The following MED12L variants were observed in gnomAD, a reference collection of about 807,000 sequenced individuals.
MED12L encodes mediator of RNA polymerase II transcription subunit 12-like protein.
MED12L carries 60 observed loss-of-function variants against 281.3 expected under a neutral mutation model. The observed-to-expected ratio is 0.21, with a 90% confidence interval of 0.17 to 0.26. The LOEUF (loss-of-function observed/expected upper bound fraction) is 0.26. MED12L is among the 10% of genes least tolerant of loss of function. The probability of loss-of-function intolerance (pLI) is 1.00; values close to 1 mark genes in which losing one functional copy is unlikely to be tolerated. For missense variants in MED12L, 2,146 were observed against 2,680.9 expected (o/e 0.80, Z 4.41); for synonymous variants, 974 against 987.2 (o/e 0.99, Z 0.25).
In MED12L at chr3:151,337,714, T is replaced by G. The variant is rs557406631; in HGVS notation, c.2251-12345T>G. On this transcript the variant is annotated intron_variant, in intron 16 of 44. Coordinates refer to ENST00000687756, the MANE Select transcript of MED12L (RefSeq NM_001393769.1). Reference sequence around the variant, plus strand: ...TCTTCTGTTTCTTTAGAGTCATTATTATTAACTTAGTTGCTTCTTCGTCAG... The same window carrying G: ...TCTTCTGTTTCTTTAGAGTCATTATGATTAACTTAGTTGCTTCTTCGTCAG... 2.3e-5 allele frequency: 26 copies of G among 1,151,642 alleles called. No homozygotes were observed. In the South Asian group the frequency reaches 3.4e-4, roughly 15 times the overall value. The allele number at this position is 1,151,642 out of a possible 1,614,324, so 71.3% of individuals were successfully genotyped here. A position where few individuals can be genotyped will look rare whatever the true frequency, so the allele number is the denominator to read the frequency against.
chr3:151,317,624 G>C (rs1394370533), intron 16 of MED12L, among the ~76,000 whole-genome samples: 4 of 150,940 alleles, frequency 2.7e-5, no homozygotes, highest in African/African-American at 9.8e-5. Flanking sequence ...CTAATTTTTT[G>C]TATTTTTAGT....
Position 151,193,493 on chromosome 3 carries a change from T to G in MED12L, c.2077T>G (p.Phe693Val). ...ACATTTGTTTTACATGACTTAGATTTTTTCTCCTATGCCTGGAGAATCCTG... is the reference window on the plus strand; with the variant it reads ...ACATTTGTTTTACATGACTTAGATTGTTTCTCCTATGCCTGGAGAATCCTG... ...KTDFGSEFPI[F>V]SPMPGESCEN... Residue 693 changes from phenylalanine to valine, a missense_variant, in exon 16 of 45, where the codon TTT (phenylalanine) becomes GTT (valine). Around this residue, in one of 9 missense-constraint regions of MED12L, gnomAD observed 722 missense variants for 861.2 expected, o/e 0.84. Transcript: ENST00000687756. 6.2e-7 allele frequency: 1 copy of G among 1,609,304 alleles called. No individual in the cohort carries two copies. Among genetic ancestry groups the G allele is most frequent in the Non-Finnish European group, 8.5e-7 (1 of 1,177,692 alleles).
Position 151,160,071 on chromosome 3 carries a change from C to A in MED12L, c.1077C>A (p.Pro359=). ...TTCTTTCCTGTGCACAGCATGGTCCCCTGGTTTATGGACTTAGTTGTATGT... is the reference window on the plus strand; with the variant it reads ...TTCTTTCCTGTGCACAGCATGGTCCACTGGTTTATGGACTTAGTTGTATGT... ...SDFLSCAQHG[P]LVYGLSCMLQ... Residue 359 remains proline (P), a synonymous_variant, in exon 8 of 45, where the codon CCC becomes CCA. Transcript: ENST00000687756. The A allele has an allele frequency of 1.2e-6, 2 of 1,611,758 alleles. No individual in the cohort carries two copies. Among genetic ancestry groups the A allele is most frequent in the Non-Finnish European group, 1.7e-6 (2 of 1,178,520 alleles).
intron 16 of MED12L, among the ~76,000 whole-genome samples, chr3:151,332,911 T>C (rs1010967755): frequency 3.3e-5 from 5 of 152,118 alleles, no homozygotes; most frequent in Non-Finnish European, 1.5e-5. Flanking sequence ...CTACCCTCAA[T>C]GTAGGCCCTG....
Position 151,116,382 on chromosome 3 carries a change from G to A in MED12L, c.144G>A (p.Gln48=). ...ATGTAAAGCAAGGCTTCAATAATCA[G>A]CCAGCCTTCACTGGAGATGAACATG... ...AVNVKQGFNN[Q]PAFTGDEHGS... is the part of the protein sequence containing the mutation. Residue 48 remains glutamine (Q), a synonymous_variant, in exon 3 of 45, where the codon CAG becomes CAA. Transcript: ENST00000687756. 1 of 1,613,578 alleles carries A rather than the reference G, an allele frequency of 6.2e-7. No homozygotes were observed. Among genetic ancestry groups the A allele is most frequent in the Non-Finnish European group, 8.5e-7 (1 of 1,179,656 alleles).
At chr3:151,110,623 C>G (rs1430288155) in intron 2 of MED12L, among the ~76,000 whole-genome samples, 1 of 152,156 alleles carries the variant, frequency 6.6e-6, no homozygotes, top group African/African-American at 2.4e-5. Flanking sequence ...GGTCCCTGAC[C>G]TAAAGTTTTG....
chr3:151,375,412 T>C (rs1756707330), intron 27 of MED12L, among the ~76,000 whole-genome samples: 1 of 152,142 alleles, frequency 6.6e-6, no homozygotes, highest in African/African-American at 2.4e-5. Context: ...AATAGGAGTT[T>C]AAATTGGTAG....
intron 16 of MED12L, among the ~76,000 whole-genome samples, chr3:151,241,171 C>G (rs899673960): frequency 1.3e-5 from 2 of 152,122 alleles, no homozygotes; most frequent in African/African-American, 4.8e-5. Flanking sequence ...TCTCCTTGCC[C>G]TTTGGCATCT....
chr3:151,368,383 G>C lies in MED12L; in HGVS notation c.3550+132G>C. 4.2e-6 allele frequency: 3 copies of C among 709,666 alleles called. No homozygotes were observed. The South Asian group carries it at 4.6e-5, about 11-fold the overall frequency. 44.0% of individuals were successfully genotyped at this position (709,666 alleles called of 1,614,324 possible). On this transcript the variant is annotated intron_variant, in intron 25 of 44. Transcript: ENST00000687756. ...GCATGCCCTGGGGGTGATGAAGGGT[G>C]AGATGATACTATTCATTGAGAGGGC...
chr3:151,391,441 C>A (rs533440895), intron 38 of MED12L, among the ~76,000 whole-genome samples: 1 of 152,160 alleles, frequency 6.6e-6, no homozygotes, highest in African/African-American at 2.4e-5. Flanking sequence ...TAGACCCATA[C>A]CCCTTCCCTG....
At chr3:151,353,477 A>T (rs957528701) in intron 17 of MED12L, among the ~76,000 whole-genome samples, 3 of 152,210 alleles carry the variant, frequency 2.0e-5, no homozygotes, top group Non-Finnish European at 2.9e-5. Context: ...TACTGGCCAA[A>T]AGTGGCACAA....
intron 16 of MED12L, chr3:151,248,958 G>C (rs1036630855): frequency 6.6e-6 from 1 of 152,176 alleles, no homozygotes; most frequent in Non-Finnish European, 1.5e-5. Flanking sequence ...TTTGCTCTCT[G>C]CTGGACTGCT....
In MED12L at chr3:151,300,024, T is replaced by C. The variant is rs746949740; in HGVS notation, c.2251-50035T>C. 3.0e-6 allele frequency: 4 copies of C among 1,346,086 alleles called. No individual in the cohort carries two copies. The African/African-American group carries it at 4.3e-5, about 14-fold the overall frequency. 83.4% of individuals were successfully genotyped at this position (1,346,086 alleles called of 1,614,324 possible). A position where few individuals can be genotyped will look rare whatever the true frequency, so the allele number is the denominator to read the frequency against. ...TCCCAAACAGTGGAAATAATAGTCA[T>C]CAATAAAGTAAGATTTTCTTTGTAT... is the stretch of plus-strand genomic sequence containing the variant. On this transcript the variant is annotated intron_variant, in intron 16 of 44. Transcript: ENST00000687756.
At chr3:151,400,835 T>C (rs1715580164) in intron 39 of MED12L, among the ~76,000 whole-genome samples, 1 of 152,172 alleles carries the variant, frequency 6.6e-6, no homozygotes, top group Non-Finnish European at 1.5e-5. Flanking sequence ...GAGACGAGAA[T>C]AGAAAAAATG....
chr3:151,293,485 C>A (rs1446416570), intron 16 of MED12L, among the ~76,000 whole-genome samples: 1 of 151,750 alleles, frequency 6.6e-6, no homozygotes, highest in African/African-American at 2.4e-5. Flanking sequence ...AGAGAGGAGG[C>A]AGAAGCATTT....
chr3:151,134,990 G>T (rs772808943), intron 5 of MED12L, among the ~76,000 whole-genome samples: 3 of 152,158 alleles, frequency 2.0e-5, no homozygotes, highest in African/African-American at 7.2e-5. Flanking sequence ...TCAGTTTCTT[G>T]TCTGTAAAAA....
intron 11 of MED12L, among the ~76,000 whole-genome samples, chr3:151,171,867 C>T (rs1385874633): frequency 1.3e-5 from 2 of 152,156 alleles, no homozygotes; most frequent in Non-Finnish European, 2.9e-5. Flanking sequence ...CAAGCGTTTC[C>T]CTGGGGTCTA....
At chr3:151,091,945 C>T (rs1656163591) in intron 2 of MED12L, among the ~76,000 whole-genome samples, 1 of 151,548 alleles carries the variant, frequency 6.6e-6, no homozygotes, top group Non-Finnish European at 1.5e-5. Flanking sequence ...TGTGTAGAAT[C>T]GTGCCTGTCA....
intron 44 of MED12L, among the ~76,000 whole-genome samples, chr3:151,432,043 A>C (rs76942356): frequency 1.3e-5 from 2 of 152,310 alleles, no homozygotes; most frequent in Non-Finnish European, 2.9e-5. Flanking sequence ...GCCACACTCC[A>C]TTGTTGAAGG....
Sources: gnomAD v4.1 joint callset for allele counts (sites outside exome capture counted in the v4.1 genomes callset) on GRCh38, gnomAD v4.1.1 for gene constraint, gnomAD v4.1.1 regional missense constraint, MANE v1.5 for transcripts, NCBI Gene and HGNC (gene_info 2026-07-23, HGNC 2026-07-21) for gene names.